CLSTN2: variants seen among roughly 807,000 people sequenced by gnomAD.
CLSTN2 encodes calsyntenin-2.
A neutral mutation model predicts 101.2 loss-of-function variants in CLSTN2; 48 were observed. The ratio of observed to expected loss-of-function variants is 0.47; its 90% CI spans 0.38 to 0.60. CLSTN2 has a LOEUF of 0.60. CLSTN2 is among the 20% of genes least tolerant of loss of function. The probability of loss-of-function intolerance (pLI) is 0.00; values close to 1 mark genes in which losing one functional copy is unlikely to be tolerated. For missense variants in CLSTN2, 1,160 were observed against 1,238.2 expected (o/e 0.94, Z 0.95); for synonymous variants, 481 against 463.6 (o/e 1.04, Z -0.48).
chr3:140,527,970 T>C lies in CLSTN2; in HGVS notation c.1345-4354T>C, dbSNP rs573674000. Among the ~76,000 whole-genome samples the C allele has an allele frequency of 2.6e-5, 4 of 152,292 alleles. No individual in the cohort carries two copies. The South Asian group carries it at 6.2e-4, about 24-fold the overall frequency. ...TTGAAAAACCACCTATTGAGTATTA[T>C]GCTTGGGTAGTACTTGTGTGATAGG... On this transcript the variant is annotated intron_variant, in intron 8 of 16. Transcript: ENST00000458420.
At chr3:139,972,743 C>T in intron 1 of CLSTN2, among the ~76,000 whole-genome samples, 1 of 152,116 alleles carries the variant, frequency 6.6e-6, no homozygotes, top group East Asian at 1.9e-4. Context: ...ATGCAGGGAG[C>T]AATGCTGGAG....
intron 2 of CLSTN2, among the ~76,000 whole-genome samples, chr3:140,236,824 AGTGTGTGT>A (rs548988567): frequency 2.4e-5 from 3 of 125,734 alleles, no homozygotes; most frequent in African/African-American, 9.1e-5. Flanking sequence ...TATGTTATAT[AGTGTGTGT>A]GTGTGTGTGT....
chr3:139,967,994 T>C (rs1935632989), intron 1 of CLSTN2, among the ~76,000 whole-genome samples: 2 of 152,122 alleles, frequency 1.3e-5, no homozygotes, highest in South Asian at 4.1e-4. Flanking sequence ...TGTCTGTGTG[T>C]GTGTGTGTGC....
At position 140,023,340 on chromosome 3, in the gene CLSTN2, C is replaced by T. The variant is rs948793867; in HGVS notation, c.109+87857C>T. ...CACAAAAACAGCTTAACTCCCACCACGATGTGCACCTGGAAACCTTGTGAG... is the reference window on the plus strand; with the variant it reads ...CACAAAAACAGCTTAACTCCCACCATGATGTGCACCTGGAAACCTTGTGAG... On this transcript the variant is annotated intron_variant, in intron 1 of 16. Transcript: ENST00000458420. Among the ~76,000 whole-genome samples the T allele has an allele frequency of 6.6e-5, 10 of 152,154 alleles. No individual in the cohort carries two copies. In the East Asian group the frequency reaches 1.7e-3, roughly 26 times the overall value.
intron 5 of CLSTN2, among the ~76,000 whole-genome samples, chr3:140,434,906 A>T (rs74589719): frequency 0.096 from 14,151 of 148,172 alleles, 952 homozygotes; most frequent in African/African-American, 0.19. Context: ...TTTAAAAAAA[A>T]TTTTTTTAAA....
At chr3:140,119,009 G>C in intron 1 of CLSTN2, among the ~76,000 whole-genome samples, 1 of 152,264 alleles carries the variant, frequency 6.6e-6, no homozygotes, top group East Asian at 1.9e-4. Flanking sequence ...AGAGCAGGCA[G>C]GTGGGATCCA....
At chr3:140,404,512 G>A (rs1425774855) in intron 3 of CLSTN2, 46 bp from the exon 4 acceptor site, 2 of 1,573,372 alleles carry the variant, frequency 1.3e-6, no homozygotes, top group African/African-American at 2.7e-5. Flanking sequence ...AGGTTGGTGT[G>A]ACTCTTTCTT....
chr3:140,573,385 C>CA lies in CLSTN2; in HGVS notation c.*7137dup, dbSNP rs1484246658. On this transcript the variant is annotated 3_prime_UTR_variant, in exon 17 of 17. Coordinates refer to ENST00000458420, the MANE Select transcript of CLSTN2 (RefSeq NM_022131.3). ...TCTGGATGTTACTAAAAGTAGAAAACAAAAATCCAAAAACAAACCTACAGC... is the reference window on the plus strand; with the variant it reads ...TCTGGATGTTACTAAAAGTAGAAAACAAAAAATCCAAAAACAAACCTACAGC... 1 of 152,152 alleles carries CA rather than the reference C, an allele frequency of 6.6e-6. No individual in the cohort carries two copies. Among genetic ancestry groups the CA allele is most frequent in the Admixed American group, 6.5e-5 (1 of 15,282 alleles). 9.4% of individuals were successfully genotyped at this position (152,152 alleles called of 1,614,324 possible). A position where few individuals can be genotyped will look rare whatever the true frequency, so the allele number is the denominator to read the frequency against.
At chr3:139,943,228 C>T (rs1018935913) in intron 1 of CLSTN2, among the ~76,000 whole-genome samples, 1 of 152,184 alleles carries the variant, frequency 6.6e-6, no homozygotes, top group African/African-American at 2.4e-5. Context: ...ACCCATCCTT[C>T]CTCATGTCTG....
At position 140,572,503 on chromosome 3, in the gene CLSTN2, A is replaced by G. The variant is rs1286658216; in HGVS notation, c.*6250A>G. 6.6e-6 allele frequency: 1 copy of G among 152,292 alleles called. No individual in the cohort carries two copies. Among genetic ancestry groups the G allele is most frequent in the African/African-American group, 2.4e-5 (1 of 41,472 alleles). The allele number at this position is 152,292 out of a possible 1,614,324, so 9.4% of individuals were successfully genotyped here. On this transcript the variant is annotated 3_prime_UTR_variant, in exon 17 of 17. Transcript: ENST00000458420. ...AGCCAAGTCTCAAAAGGCACAAGCC[A>G]GACTGATGCAAGGGAGCCCTCCTGA...
At chr3:140,018,639 C>T (rs1479729753) in intron 1 of CLSTN2, among the ~76,000 whole-genome samples, 1 of 152,158 alleles carries the variant, frequency 6.6e-6, no homozygotes, top group Non-Finnish European at 1.5e-5. Flanking sequence ...CAAGGCTGAG[C>T]TCCTGCTTAC....
chr3:140,116,733 C>T (rs943474168), intron 1 of CLSTN2, among the ~76,000 whole-genome samples: 2 of 152,054 alleles, frequency 1.3e-5, no homozygotes, highest in African/African-American at 4.8e-5. Context: ...TACCTGAGCA[C>T]CAGCCATGGG....
At chr3:140,163,720 T>G (rs1451734531) in intron 1 of CLSTN2, among the ~76,000 whole-genome samples, 1 of 150,926 alleles carries the variant, frequency 6.6e-6, no homozygotes, top group African/African-American at 2.4e-5. Flanking sequence ...CTTGCTTGTA[T>G]GAGTTCCTTA....
chr3:140,127,515 C>A (rs12632062), intron 1 of CLSTN2, among the ~76,000 whole-genome samples: 4 of 151,920 alleles, frequency 2.6e-5, no homozygotes, highest in Non-Finnish European at 5.9e-5. Flanking sequence ...ACGACAGGGG[C>A]GGTGCACAAC....
chr3:140,283,725 T>C (rs1158628479), intron 2 of CLSTN2, among the ~76,000 whole-genome samples: 1 of 152,196 alleles, frequency 6.6e-6, no homozygotes, highest in Non-Finnish European at 1.5e-5. Context: ...ACTGAAAATA[T>C]CAAGCATCAG....
chr3:140,326,503 C>T (rs80160922), intron 2 of CLSTN2, among the ~76,000 whole-genome samples: 2,210 of 152,288 alleles, frequency 0.015, 33 homozygotes, highest in Middle Eastern at 0.027. Context: ...CTGGGCATTT[C>T]CCATCCATAA....
intron 2 of CLSTN2, among the ~76,000 whole-genome samples, chr3:140,301,221 T>A (rs2087055239): frequency 6.6e-6 from 1 of 152,210 alleles, no homozygotes; most frequent in African/African-American, 2.4e-5. Context: ...TTGACACATA[T>A]ACTTAACCAT....
At chr3:140,100,642 C>T (rs901396484) in intron 1 of CLSTN2, among the ~76,000 whole-genome samples, 1 of 152,240 alleles carries the variant, frequency 6.6e-6, no homozygotes, top group Non-Finnish European at 1.5e-5. Context: ...GCCTCCCACA[C>T]AGCCCACTGA....
chr3:140,315,322 G>A (rs562447760), intron 2 of CLSTN2, among the ~76,000 whole-genome samples: 3 of 152,316 alleles, frequency 2.0e-5, no homozygotes, highest in African/African-American at 4.8e-5. Context: ...AGCCAATCAC[G>A]AATCCTGTAA....
Sources: gnomAD v4.1 joint callset for allele counts (sites outside exome capture counted in the v4.1 genomes callset) on GRCh38, gnomAD v4.1.1 for gene constraint, MANE v1.5 for transcripts, NCBI Gene and HGNC (gene_info 2026-07-23, HGNC 2026-07-21) for gene names.